Variants in ARFIP1 observed in about 807,000 individuals in gnomAD.
ARFIP1 encodes the protein arfaptin-1.
A neutral mutation model predicts 42.5 loss-of-function variants in ARFIP1; 24 were observed. The observed-to-expected ratio is 0.57, with a 90% CI of 0.41 to 0.80. The LOEUF (loss-of-function observed/expected upper bound fraction) is 0.80. ARFIP1 is among the 30% of genes least tolerant of loss of function. The pLI, the probability that ARFIP1 is intolerant of heterozygous loss-of-function variation, is 0.00. For synonymous variants in ARFIP1, 141 were observed against 153.7 expected (o/e 0.92, Z 0.61); for missense variants, 354 against 434.0 (o/e 0.82, Z 1.64).
At chr4:152,842,451 C>T (rs1732175706) in intron 2 of ARFIP1, among the ~76,000 whole-genome samples, 1 of 151,966 alleles carries the variant, frequency 6.6e-6, no homozygotes, top group Non-Finnish European at 1.5e-5. Flanking sequence ...ATTTGGATGT[C>T]TAAGTCTCTA....
chr4:152,841,884 C>G (rs116880012), intron 2 of ARFIP1, among the ~76,000 whole-genome samples: 1 of 152,134 alleles, frequency 6.6e-6, no homozygotes, highest in Admixed American at 6.5e-5. Flanking sequence ...ATCGAAGGCA[C>G]CCGTCTCGAG....
At chr4:152,819,781 G>A (rs1392203376) in intron 1 of ARFIP1, among the ~76,000 whole-genome samples, 1 of 152,166 alleles carries the variant, frequency 6.6e-6, no homozygotes, top group African/African-American at 2.4e-5. Context: ...TCAACAGTCA[G>A]GCAGCCCTGG....
At chr4:152,876,117 T>G (rs532991101) in intron 5 of ARFIP1, among the ~76,000 whole-genome samples, 4 of 151,988 alleles carry the variant, frequency 2.6e-5, no homozygotes, top group Non-Finnish European at 5.9e-5. Flanking sequence ...ATACAGTAAA[T>G]TGGTACCAGG....
rs577067176 is a variant in ARFIP1 at position 152,857,367 on chromosome 4, T to C, written c.94-6239T>C. ...AAAACATACTAACTAAAATAAATTCTAAGTCTCCAATAAATTGCCTATGGC... is the reference window on the plus strand; with the variant it reads ...AAAACATACTAACTAAAATAAATTCCAAGTCTCCAATAAATTGCCTATGGC... On this transcript the variant is annotated intron_variant, in intron 2 of 8. Coordinates refer to ENST00000353617, the MANE Select transcript of ARFIP1 (RefSeq NM_001025595.3). Among the ~76,000 whole-genome samples the C allele has an allele frequency of 6.6e-5, 10 of 152,356 alleles. No individual in the cohort carries two copies. In the South Asian group the frequency reaches 1.9e-3, roughly 28 times the overall value.
At chr4:152,877,188 G>A (rs189397654) in intron 5 of ARFIP1, among the ~76,000 whole-genome samples, 22 of 152,264 alleles carry the variant, frequency 1.4e-4, no homozygotes, top group Admixed American at 5.9e-4. Flanking sequence ...CACCGTGTAC[G>A]TGGAAAAGCC....
At position 152,902,347 on chromosome 4, in the gene ARFIP1, A is replaced by C. The variant is rs796633888; in HGVS notation, c.967-7717A>C. On this transcript the variant is annotated intron_variant, in intron 8 of 8. Transcript: ENST00000353617. The stretch of plus-strand genomic sequence containing the variant: ...AGAGACCCGGTCTCTACGGAAAATA[A>C]AAAAGTTAGCCAGGTATGGTGATGC... 3.9e-5 allele frequency among the ~76,000 whole-genome samples: 6 copies of C among 152,290 alleles called. No individual in the cohort carries two copies. The South Asian group carries it at 1.2e-3, about 32-fold the overall frequency.
At chr4:152,817,254 A>G (rs1729973318) in intron 1 of ARFIP1, among the ~76,000 whole-genome samples, 1 of 152,190 alleles carries the variant, frequency 6.6e-6, no homozygotes, top group Non-Finnish European at 1.5e-5. Context: ...ATTTGCAAGG[A>G]ACAGAAACTT....
At chr4:152,824,674 A>G (rs1730673194) in intron 1 of ARFIP1, among the ~76,000 whole-genome samples, 2 of 152,220 alleles carry the variant, frequency 1.3e-5, no homozygotes, top group Admixed American at 1.3e-4. Context: ...AACATATTAT[A>G]GTACTAGAAG....
chr4:152,783,208 G>C (rs1730606035), intron 1 of ARFIP1, among the ~76,000 whole-genome samples: 1 of 152,102 alleles, frequency 6.6e-6, no homozygotes, highest in Admixed American at 6.6e-5. Context: ...CTTGGGAGGG[G>C]CTGAGGCAGG....
chr4:152,786,510 G>A (rs1213379563), intron 1 of ARFIP1, among the ~76,000 whole-genome samples: 1 of 152,142 alleles, frequency 6.6e-6, no homozygotes. Context: ...CATGACTCTT[G>A]AATTTTTCTA....
chr4:152,810,259 T>A (rs1382330631), intron 1 of ARFIP1: 2 of 152,230 alleles, frequency 1.3e-5, no homozygotes, highest in Non-Finnish European at 2.9e-5. Context: ...TGGCTTGTAC[T>A]GCCTGCAAAA....
intron 8 of ARFIP1, among the ~76,000 whole-genome samples, chr4:152,893,338 T>C (rs1454536855): frequency 6.6e-6 from 1 of 152,202 alleles, no homozygotes; most frequent in Admixed American, 6.5e-5. Context: ...TTTTCTGCAA[T>C]GTTTTCTGTT....
intron 8 of ARFIP1, among the ~76,000 whole-genome samples, chr4:152,899,869 A>G (rs985572192): frequency 1.4e-4 from 21 of 152,192 alleles, no homozygotes; most frequent in African/African-American, 5.1e-4. Flanking sequence ...AGATGATTAT[A>G]TACCAGTGCA....
chr4:152,788,053 C>T (rs1730913424), intron 1 of ARFIP1, among the ~76,000 whole-genome samples: 1 of 152,030 alleles, frequency 6.6e-6, no homozygotes, highest in Non-Finnish European at 1.5e-5. Flanking sequence ...TGGTGAAACC[C>T]TGTCTCTACT....
In ARFIP1 at chr4:152,808,283, A is replaced by ATTTTTTTTTTTTTTTTTTT. The variant is rs61135783; in HGVS notation, c.-9-21326_-9-21308dup. On this transcript the variant is annotated intron_variant, in intron 1 of 8. Coordinates refer to ENST00000353617, the MANE Select transcript of ARFIP1 (RefSeq NM_001025595.3). The stretch of plus-strand genomic sequence containing the variant: ...GTGTGAGCCACCACGCCTGGCCTCC[A>ATTTTTTTTTTTTTTTTTTT]TTTTTTTTTTTTTTTTTTTTTTTTT... Among the ~76,000 whole-genome samples the ATTTTTTTTTTTTTTTTTTT allele has an allele frequency of 3.0e-3, 61 of 20,316 alleles. 9 individuals carry two copies. The highest frequency in any genetic ancestry group is 0.012 in the South Asian group (8 of 648). 13.3% of individuals were successfully genotyped at this position (20,316 alleles called of 152,430 possible).
At chr4:152,813,470 A>G (rs1207683733) in intron 1 of ARFIP1, among the ~76,000 whole-genome samples, 1 of 151,656 alleles carries the variant, frequency 6.6e-6, no homozygotes, top group East Asian at 1.9e-4. Flanking sequence ...CTTTTCATTT[A>G]TTATTTGATA....
At chr4:152,799,493 A>G (rs972054310) in intron 1 of ARFIP1, among the ~76,000 whole-genome samples, 1 of 152,200 alleles carries the variant, frequency 6.6e-6, no homozygotes, top group Non-Finnish European at 1.5e-5. Context: ...ATAAGTTTTA[A>G]TGTAGGATTT....
chr4:152,870,030 A>G (rs1014373329), intron 3 of ARFIP1, among the ~76,000 whole-genome samples: 1 of 152,176 alleles, frequency 6.6e-6, no homozygotes, highest in African/African-American at 2.4e-5. Flanking sequence ...GATTCTTATA[A>G]TGTCAAAAAA....
chr4:152,870,761 G>A lies in ARFIP1; in HGVS notation c.211G>A (p.Ala71Thr). 2 of 1,613,766 alleles carry A rather than the reference G, an allele frequency of 1.2e-6. No homozygotes were observed. Among genetic ancestry groups the A allele is most frequent in the East Asian group, 2.2e-5 (1 of 44,874 alleles). The change falls in exon 4 of 9, where the codon GCA becomes ACA. Residue 71 changes from alanine (A) to threonine (T), a missense_variant. Coordinates refer to ENST00000353617, the MANE Select transcript of ARFIP1 (RefSeq NM_001025595.3). ...IEAGAFQGSP[A>T]PPLPSVMSPS... ...AATGTCTACCTTTTCAGGTTCCCCA[G>A]CACCGCCACTGCCATCTGTTATGTC...
Sources: allele counts gnomAD v4.1 joint callset (sites outside exome capture counted in the v4.1 genomes callset), GRCh38; gene constraint gnomAD v4.1.1; transcripts MANE v1.5; gene names NCBI Gene and HGNC (gene_info 2026-07-23, HGNC 2026-07-21).